Variants in SGIP1 observed in about 807,000 individuals in gnomAD.
The protein encoded by SGIP1 is SH3-containing GRB2-like protein 3-interacting protein 1.
Under a neutral mutation model 107.5 loss-of-function variants are expected in SGIP1, and 38 were observed. The ratio of observed to expected loss-of-function variants is 0.35; its 90% confidence interval spans 0.27 to 0.46. The LOEUF is 0.46. Ranked by LOEUF, SGIP1 falls within the 20% of genes least tolerant of loss-of-function variation. SGIP1 has a pLI of 1.00. For missense variants in SGIP1, 929 were observed against 1,019.5 expected (o/e 0.91, Z 1.21); for synonymous variants, 365 against 366.1 (o/e 1.00, Z 0.03).
chr1:66,731,160 A>C (rs1018328589), intron 20 of SGIP1, among the ~76,000 whole-genome samples: 2 of 152,136 alleles, frequency 1.3e-5, no homozygotes, highest in Non-Finnish European at 2.9e-5. Flanking sequence ...TTCTTCATTC[A>C]TCCATCTCCC....
chr1:66,589,768 T>C (rs751552417), intron 1 of SGIP1, among the ~76,000 whole-genome samples: 2 of 152,290 alleles, frequency 1.3e-5, no homozygotes, highest in African/African-American at 4.8e-5. Flanking sequence ...CGTGGAAATG[T>C]CTAGCTATTT....
At chr1:66,721,744 G>T (rs1323227188) in intron 19 of SGIP1, among the ~76,000 whole-genome samples, 2 of 152,108 alleles carry the variant, frequency 1.3e-5, no homozygotes, top group African/African-American at 2.4e-5. Flanking sequence ...GTAGTCAGGA[G>T]TGAATGTATA....
rs530074085 is a variant in SGIP1 at position 66,715,974 on chromosome 1, G to C, written c.1631-3320G>C. On this transcript the variant is annotated intron_variant, in intron 18 of 24. Transcript: ENST00000371037. ...TAATCATTACTGAGTGCTTACTATG[G>C]TTCAAGCGCGGTGCTAAATGCTTTG... is the stretch of plus-strand genomic sequence containing the variant. Among the ~76,000 whole-genome samples the C allele has an allele frequency of 2.0e-5, 3 of 152,200 alleles. No individual in the cohort carries two copies. The South Asian group carries it at 6.2e-4, about 32-fold the overall frequency.
rs570086169 is a variant in SGIP1 at position 66,750,920 on chromosome 1, T to C, written c.*7825T>C. ...TAGAAATAGTATGGATATCACTCTTTGTAAATAATAATTTTTGTAAATGTT... is the reference window on the plus strand; with the variant it reads ...TAGAAATAGTATGGATATCACTCTTCGTAAATAATAATTTTTGTAAATGTT... On this transcript the variant is annotated 3_prime_UTR_variant, in exon 25 of 25. Transcript: ENST00000371037. 6.6e-6 allele frequency among the ~76,000 whole-genome samples: 1 copy of C among 152,346 alleles called. No homozygotes were observed. Among genetic ancestry groups the C allele is most frequent in the Admixed American group, 6.5e-5 (1 of 15,304 alleles).
At chr1:66,656,587 G>A (rs911808388) in intron 7 of SGIP1, among the ~76,000 whole-genome samples, 4 of 152,162 alleles carry the variant, frequency 2.6e-5, no homozygotes, top group Non-Finnish European at 5.9e-5. Context: ...CATCGTATAC[G>A]CAGTCCATCG....
chr1:66,664,824 T>G (rs544633935), intron 8 of SGIP1, among the ~76,000 whole-genome samples: 1 of 152,210 alleles, frequency 6.6e-6, no homozygotes, highest in African/African-American at 2.4e-5. Flanking sequence ...CCTACTCACA[T>G]GCTAGTCACT....
chr1:66,724,835 T>C (rs988097366), intron 19 of SGIP1, among the ~76,000 whole-genome samples: 2 of 152,214 alleles, frequency 1.3e-5, no homozygotes, highest in Non-Finnish European at 2.9e-5. Flanking sequence ...GAAAATTCCC[T>C]ACCAGTTAAA....
At position 66,553,628 on chromosome 1, in the gene SGIP1, A is replaced by G. The variant is rs1266447561; in HGVS notation, c.10+19260A>G. On this transcript the variant is annotated intron_variant, in intron 1 of 24. Coordinates refer to ENST00000371037, the MANE Select transcript of SGIP1 (RefSeq NM_032291.4). ...GAGGTGGAGGTTGCAGTGAGCCAAG[A>G]TCATATCACTGCACTCCAGTCTGGG... 2.0e-5 allele frequency among the ~76,000 whole-genome samples: 3 copies of G among 151,258 alleles called. No individual in the cohort carries two copies. The South Asian group carries it at 6.3e-4, about 32-fold the overall frequency.
chr1:66,731,629 A>ATAGACTAAAG (rs1553183409), intron 20 of SGIP1, among the ~76,000 whole-genome samples: 1 of 152,100 alleles, frequency 6.6e-6, no homozygotes, highest in Admixed American at 6.6e-5. Context: ...CCCTTTAGTC[A>ATAGACTAAAG]TCTATAGACT....
At chr1:66,733,660 A>T in intron 20 of SGIP1, 88 bp from the exon 21 acceptor site, 1 of 1,445,278 alleles carries the variant, frequency 6.9e-7, no homozygotes, top group African/African-American at 1.4e-5. Flanking sequence ...GGCTGTACAT[A>T]TCAGACGACA....
chr1:66,549,045 G>T (rs2056944426), intron 1 of SGIP1, among the ~76,000 whole-genome samples: 1 of 152,170 alleles, frequency 6.6e-6, no homozygotes, highest in South Asian at 2.1e-4. Context: ...AGGCTTGAAA[G>T]TTAAAAAACA....
intron 1 of SGIP1, among the ~76,000 whole-genome samples, chr1:66,625,055 A>C (rs1340485791): frequency 3.3e-5 from 5 of 152,232 alleles, no homozygotes; most frequent in Non-Finnish European, 7.3e-5. Context: ...AAAGGATCAC[A>C]GCCTACTAGG....
At chr1:66,588,511 A>C (rs1314896695) in intron 1 of SGIP1, among the ~76,000 whole-genome samples, 1 of 152,206 alleles carries the variant, frequency 6.6e-6, no homozygotes, top group African/African-American at 2.4e-5. Flanking sequence ...ATATACTCCA[A>C]GGCAGAGATG....
At chr1:66,547,587 T>C (rs546942835) in intron 1 of SGIP1, among the ~76,000 whole-genome samples, 109 of 152,254 alleles carry the variant, frequency 7.2e-4, no homozygotes, top group Non-Finnish European at 1.1e-3. Flanking sequence ...CTTGATCAAA[T>C]TTTAACTAAG....
At chr1:66,542,280 G>A (rs959484968) in intron 1 of SGIP1, among the ~76,000 whole-genome samples, 2 of 152,036 alleles carry the variant, frequency 1.3e-5, no homozygotes, top group Non-Finnish European at 2.9e-5. Context: ...GGAGATTGGC[G>A]ACAATAACGA....
rs533349473 is a variant in SGIP1 at position 66,733,681 on chromosome 1, A to T, written c.1899-67A>T. 21 of 1,536,860 alleles carry T rather than the reference A, an allele frequency of 1.4e-5. No individual in the cohort carries two copies. In the African/African-American group the frequency reaches 2.5e-4, roughly 18 times the overall value. ...ACATATCAGACGACAATTTGCTAAG[A>T]TGCTTCGTGTAGGGTTTATATTTGT... On this transcript the variant is annotated intron_variant, in intron 20 of 24. Coordinates refer to ENST00000371037, the MANE Select transcript of SGIP1 (RefSeq NM_032291.4).
Position 66,743,496 on chromosome 1 carries a change from A to G in SGIP1, c.*401A>G, listed in dbSNP as rs548696753. 191 of 156,194 alleles carry G rather than the reference A, an allele frequency of 1.2e-3. No homozygotes were observed. The highest frequency in any genetic ancestry group is 2.3e-3 in the Non-Finnish European group (164 of 70,116). The allele number at this position is 156,194 out of a possible 1,614,324, so 9.7% of individuals were successfully genotyped here. ...AGATTGCATTTTGTCAATATATAAA[A>G]TTTAAATATAATATTGATAGCTGTC... On this transcript the variant is annotated 3_prime_UTR_variant, in exon 25 of 25. Transcript: ENST00000371037.
intron 4 of SGIP1, 53 bp downstream of exon 4, chr1:66,636,068 A>G: frequency 1.3e-6 from 2 of 1,521,786 alleles, no homozygotes; most frequent in African/African-American, 1.4e-5. Context: ...AAAAACAGTG[A>G]GTAAAATCCC....
At chr1:66,666,503 G>A in intron 8 of SGIP1, 1 of 153,110 alleles carries the variant, frequency 6.5e-6, no homozygotes, top group Non-Finnish European at 1.5e-5. Context: ...TTCCAGTTTT[G>A]TGAAGAAAGT....
Sources: allele counts gnomAD v4.1 joint callset (sites outside exome capture counted in the v4.1 genomes callset), GRCh38; gene constraint gnomAD v4.1.1; transcripts MANE v1.5; gene names NCBI Gene and HGNC (gene_info 2026-07-23, HGNC 2026-07-21).